Variants in WWOX observed in about 807,000 individuals in gnomAD.
WWOX encodes WW domain containing oxidoreductase, also known as WW domain-containing oxidoreductase.
In WWOX, 69 loss-of-function variants were observed where a neutral mutation model predicts 46.2. The observed-to-expected ratio is 1.49, with a 90% confidence interval of 1.23 to 1.82. WWOX has a LOEUF of 1.82. Among genes scored for constraint, WWOX ranks in the 40% most tolerant of loss-of-function variants. The pLI, the probability that WWOX is intolerant of heterozygous loss-of-function variation, is 0.00. For missense variants in WWOX, 919 were observed against 542.6 expected, an observed-to-expected ratio of 1.69 and a Z score of -6.89; for synonymous variants, 359 against 202.6, an observed-to-expected ratio of 1.77 and a Z score of -6.56.
At chr16:79,014,861 G>A (rs955246164) in intron 8 of WWOX, among the ~76,000 whole-genome samples, 35 of 152,146 alleles carry the variant, frequency 2.3e-4, no homozygotes, top group African/African-American at 8.0e-4. Context: ...TCTTTTACAA[G>A]CACTTAGTGA....
chr16:78,477,470 A>G (rs1310467513), intron 8 of WWOX, among the ~76,000 whole-genome samples: 1 of 152,138 alleles, frequency 6.6e-6, no homozygotes, highest in African/African-American at 2.4e-5. Flanking sequence ...ATTGATCCTT[A>G]TTAAACCTCA....
chr16:79,134,971 C>A (rs879757287), intron 8 of WWOX, among the ~76,000 whole-genome samples: 1 of 152,262 alleles, frequency 6.6e-6, no homozygotes, highest in South Asian at 2.1e-4. Context: ...GAGCTACATA[C>A]ATTTGAAAAT....
intron 5 of WWOX, among the ~76,000 whole-genome samples, chr16:78,200,900 G>A (rs1434781637): frequency 1.3e-5 from 2 of 152,190 alleles, no homozygotes; most frequent in African/African-American, 2.4e-5. Flanking sequence ...TTATTTGTGA[G>A]AGGGTATGGG....
chr16:78,273,954 G>C (rs146096610), intron 5 of WWOX, among the ~76,000 whole-genome samples: 196 of 152,348 alleles, frequency 1.3e-3, no homozygotes, highest in African/African-American at 4.4e-3. Flanking sequence ...GGACAGGATA[G>C]ACATTGACCA....
rs372712347 is a variant in WWOX, at chr16:78,224,311, C to T, written c.516+60022C>T. 1.3e-4 allele frequency among the ~76,000 whole-genome samples: 19 copies of T among 151,914 alleles called. No individual in the cohort carries two copies. The East Asian group carries it at 3.1e-3, about 25-fold the overall frequency. On this transcript the variant is annotated intron_variant, in intron 5 of 8. Transcript: ENST00000566780. ...AGCCACCACGTCCGGCCTGTTTTTCCTTCTTTGTTAAGTGGAACAAGTCAT... is the reference window on the plus strand; with the variant it reads ...AGCCACCACGTCCGGCCTGTTTTTCTTTCTTTGTTAAGTGGAACAAGTCAT...
intron 5 of WWOX, among the ~76,000 whole-genome samples, chr16:78,197,555 C>T (rs2036092764): frequency 6.6e-6 from 1 of 152,114 alleles, no homozygotes; most frequent in African/African-American, 2.4e-5. Context: ...AACATTTCTC[C>T]CATCTTTTTA....
At chr16:79,113,501 T>A (rs1428721773) in intron 8 of WWOX, among the ~76,000 whole-genome samples, 2 of 152,364 alleles carry the variant, frequency 1.3e-5, no homozygotes, top group African/African-American at 4.8e-5. Flanking sequence ...AATACAATTA[T>A]TCATTGTATA....
intron 8 of WWOX, among the ~76,000 whole-genome samples, chr16:78,723,345 T>C (rs75725089): frequency 0.017 from 2,513 of 152,198 alleles, 76 homozygotes; most frequent in African/African-American, 0.057. Context: ...AACGTGGCTT[T>C]TGCTAAAGAG....
chr16:78,886,200 C>G (rs1165536220), intron 8 of WWOX, among the ~76,000 whole-genome samples: 1 of 150,508 alleles, frequency 6.6e-6, no homozygotes, highest in Non-Finnish European at 1.5e-5. Context: ...GCTCGGATTA[C>G]AGGCATGAAC....
At chr16:78,491,810 A>G (rs2084791656) in intron 8 of WWOX, among the ~76,000 whole-genome samples, 3 of 152,298 alleles carry the variant, frequency 2.0e-5, no homozygotes, top group African/African-American at 7.2e-5. Context: ...TTAAATAACT[A>G]TCATTTGCAG....
At chr16:78,798,626 T>G (rs955898076) in intron 8 of WWOX, among the ~76,000 whole-genome samples, 5 of 151,734 alleles carry the variant, frequency 3.3e-5, no homozygotes, top group Admixed American at 6.6e-5. Context: ...TACAGTGATC[T>G]TTCCATATAG....
chr16:78,490,913 G>A (rs1310218878), intron 8 of WWOX, among the ~76,000 whole-genome samples: 1 of 152,100 alleles, frequency 6.6e-6, no homozygotes, highest in Non-Finnish European at 1.5e-5. Flanking sequence ...AATGAAACTG[G>A]CAGTGAGCTC....
chr16:79,074,563 G>A (rs1322514504), intron 8 of WWOX, among the ~76,000 whole-genome samples: 1 of 151,574 alleles, frequency 6.6e-6, no homozygotes, highest in East Asian at 1.9e-4. Flanking sequence ...ACTCCTACTT[G>A]GAAATGGAGT....
intron 8 of WWOX, among the ~76,000 whole-genome samples, chr16:78,547,249 C>G (rs186228583): frequency 2.7e-5 from 4 of 150,494 alleles, no homozygotes; most frequent in African/African-American, 7.4e-5. Context: ...ATTGGAGACA[C>G]TATAACAAAT....
chr16:78,664,925 A>T (rs1157776240), intron 8 of WWOX, among the ~76,000 whole-genome samples: 1 of 152,224 alleles, frequency 6.6e-6, no homozygotes. Context: ...TGGCTCTGTC[A>T]TGTGTCAGCC....
At chr16:78,912,593 T>C (rs72806737) in intron 8 of WWOX, among the ~76,000 whole-genome samples, 3,700 of 152,108 alleles carry the variant, frequency 0.024, 76 homozygotes, top group Middle Eastern at 0.078. Flanking sequence ...TGTAATTTAG[T>C]GTGGCAGTCA....
At chr16:78,893,703 C>T (rs939634159) in intron 8 of WWOX, among the ~76,000 whole-genome samples, 4 of 152,194 alleles carry the variant, frequency 2.6e-5, no homozygotes, top group African/African-American at 9.7e-5. Flanking sequence ...CCTTCTAGCA[C>T]TTCTGTGAAC....
intron 8 of WWOX, among the ~76,000 whole-genome samples, chr16:78,447,803 T>C (rs1296382583): frequency 6.6e-6 from 1 of 152,094 alleles, no homozygotes; most frequent in Non-Finnish European, 1.5e-5. Context: ...ACTATTATTA[T>C]TATTTATTAT....
intron 8 of WWOX, among the ~76,000 whole-genome samples, chr16:79,112,130 T>G (rs1220354311): frequency 6.6e-6 from 1 of 152,120 alleles, no homozygotes; most frequent in Non-Finnish European, 1.5e-5. Flanking sequence ...CCCATTTTGC[T>G]CCTCCTACCA....
Sources: gnomAD v4.1 joint callset for allele counts (sites outside exome capture counted in the v4.1 genomes callset) on GRCh38, gnomAD v4.1.1 for gene constraint, MANE v1.5 for transcripts, NCBI Gene and HGNC (gene_info 2026-07-23, HGNC 2026-07-21) for gene names.